Variants in SERPINB12 observed in about 807,000 individuals in gnomAD.
SERPINB12 encodes the protein serpin family B member 12.
A neutral mutation model predicts 41.1 loss-of-function variants in SERPINB12; 57 were observed. That is an observed-to-expected ratio of 1.39 (90% confidence interval 1.12 to 1.73). SERPINB12 has a LOEUF of 1.73. Ranked by LOEUF, SERPINB12 falls within the 40% of genes most tolerant of loss-of-function variation. SERPINB12 has a pLI of 0.00. For missense variants in SERPINB12, 536 were observed against 501.9 expected (o/e 1.07, Z -0.65); for synonymous variants, 180 against 181.3 (o/e 0.99, Z 0.06).
intron 1 of SERPINB12, among the ~76,000 whole-genome samples, chr18:63,545,884 G>GA (rs962334187): frequency 3.2e-4 from 48 of 150,472 alleles, no homozygotes; most frequent in Admixed American, 1.1e-3. Context: ...GAAGAATTTA[G>GA]AAAAAAAAAT....
chr18:63,552,562 C>A (rs1269188478), intron 1 of SERPINB12, among the ~76,000 whole-genome samples: 1 of 152,162 alleles, frequency 6.6e-6, no homozygotes, highest in Non-Finnish European at 1.5e-5. Flanking sequence ...ACAAAATACT[C>A]TTTTCCCTTT....
intron 3 of SERPINB12, 89 bp downstream of exon 3, chr18:63,558,575 C>T: frequency 1.5e-6 from 2 of 1,373,068 alleles, no homozygotes; most frequent in Non-Finnish European, 2.0e-6. Context: ...TTGCTTATCC[C>T]CAAATATTAG....
intron 1 of SERPINB12, among the ~76,000 whole-genome samples, chr18:63,553,757 C>G (rs1347408665): frequency 6.6e-6 from 1 of 152,136 alleles, no homozygotes; most frequent in East Asian, 1.9e-4. Flanking sequence ...TGAAATCCCC[C>G]CAACTCAGAC....
chr18:63,533,928 G>C, the SERPINB12 span, among the ~76,000 whole-genome samples: 3 of 152,056 alleles, frequency 2.0e-5, no homozygotes, highest in African/African-American at 7.2e-5. Context: ...CTGACTAAAT[G>C]GGAATAGGTT....
At chr18:63,537,070 A>T in the SERPINB12 span, among the ~76,000 whole-genome samples, 4 of 152,192 alleles carry the variant, frequency 2.6e-5, no homozygotes, top group African/African-American at 9.6e-5. Flanking sequence ...AAGTGGAACA[A>T]CTATGTAAAT....
intron 1 of SERPINB12, among the ~76,000 whole-genome samples, chr18:63,554,957 C>T (rs1354243460): frequency 1.3e-5 from 2 of 152,114 alleles, no homozygotes; most frequent in Admixed American, 1.3e-4. Flanking sequence ...GCAGTTCCTC[C>T]TTTTCTCTCT....
rs1280304638 is a variant in SERPINB12, at chr18:63,568,465, C to G, written c.*1454C>G. Among the ~76,000 whole-genome samples, 3 of 152,156 alleles carry G rather than the reference C, an allele frequency of 2.0e-5. No individual in the cohort carries two copies. The highest frequency in any genetic ancestry group is 7.2e-5 in the African/African-American group (3 of 41,432). ...AAGGCCATTGGGCTCATCTCAAGCT[C>G]TAGTCTACTGAAGGCCTGACCTCTG... On this transcript the variant is annotated 3_prime_UTR_variant, in exon 8 of 8. Coordinates refer to ENST00000382768, the MANE Select transcript of SERPINB12 (RefSeq NM_001307928.2).
At position 63,568,387 on chromosome 18, in the gene SERPINB12, C is replaced by G. The variant is rs1911185421; in HGVS notation, c.*1376C>G. ...CAGAGCGAAACCCTGTCTCAAAAAA[C>G]AAACAAACAAAAAACCCAAAAAGCC... On this transcript the variant is annotated 3_prime_UTR_variant, in exon 8 of 8. Coordinates refer to ENST00000382768, the MANE Select transcript of SERPINB12 (RefSeq NM_001307928.2). Among the ~76,000 whole-genome samples, 2 of 151,940 alleles carry G rather than the reference C, an allele frequency of 1.3e-5. No homozygotes were observed. The highest frequency in any genetic ancestry group is 2.4e-5 in the African/African-American group (1 of 41,372).
Position 63,553,242 on chromosome 18 carries a change from G to A in SERPINB12, c.-18-2900G>A, listed in dbSNP as rs147066023. ...GTAAGTGTAGTGCCAGAATTAGAAT[G>A]GAATGGAATGTGAAAAACTGTGTGA... is the stretch of plus-strand genomic sequence containing the variant. On this transcript the variant is annotated intron_variant, in intron 1 of 7. Transcript: ENST00000382768. 1.5e-3 allele frequency among the ~76,000 whole-genome samples: 232 copies of A among 152,312 alleles called. 1 individual carries two copies. Among genetic ancestry groups the A allele is most frequent in the African/African-American group, 5.5e-3 (228 of 41,572 alleles).
intron 3 of SERPINB12, among the ~76,000 whole-genome samples, chr18:63,559,254 G>A (rs12955973): frequency 6.6e-6 from 1 of 151,436 alleles, no homozygotes; most frequent in Non-Finnish European, 1.5e-5. Flanking sequence ...ACAGGCATGA[G>A]CCACCATGCC....
chr18:63,556,936 G>A (rs1226125405), intron 2 of SERPINB12, among the ~76,000 whole-genome samples: 1 of 152,136 alleles, frequency 6.6e-6, no homozygotes, highest in African/African-American at 2.4e-5. Context: ...TGCTCTCACT[G>A]GCAATCTATC....
At chr18:63,521,616 A>C in the SERPINB12 span, among the ~76,000 whole-genome samples, 1 of 152,158 alleles carries the variant, frequency 6.6e-6, no homozygotes, top group African/African-American at 2.4e-5. Flanking sequence ...ATCTTGCCCA[A>C]AAAAAAGGTA....
At position 63,561,222 on chromosome 18, in the gene SERPINB12, C is replaced by T. The variant is rs771741357; in HGVS notation, c.562+20C>T. On this transcript the variant is annotated intron_variant, in intron 5 of 7. Transcript: ENST00000382768. Reference sequence around the variant, plus strand: ...CCCAAGGTAAGAAAGCCCAAAAGCACGGGAGCTGGTATTGGTTTCCATTTA... The same window carrying T: ...CCCAAGGTAAGAAAGCCCAAAAGCATGGGAGCTGGTATTGGTTTCCATTTA... 2.6e-5 allele frequency: 37 copies of T among 1,434,254 alleles called. No individual in the cohort carries two copies. The highest frequency in any genetic ancestry group is 5.8e-5 in the South Asian group (5 of 86,640). 88.8% of individuals were successfully genotyped at this position (1,434,254 alleles called of 1,614,324 possible).
At chr18:63,535,182 G>T in the SERPINB12 span, among the ~76,000 whole-genome samples, 3 of 152,168 alleles carry the variant, frequency 2.0e-5, no homozygotes, top group Admixed American at 2.0e-4. Flanking sequence ...ATCATTAGTG[G>T]ATGCTAACAT....
At position 63,568,746 on chromosome 18, in the gene SERPINB12, A is replaced by G. The variant is rs1199965570; in HGVS notation, c.*1735A>G. Among the ~76,000 whole-genome samples the G allele has an allele frequency of 2.6e-5, 4 of 152,232 alleles. No individual in the cohort carries two copies. In the South Asian group the frequency reaches 6.2e-4, roughly 24 times the overall value. On this transcript the variant is annotated 3_prime_UTR_variant, in exon 8 of 8. Coordinates refer to ENST00000382768, the MANE Select transcript of SERPINB12 (RefSeq NM_001307928.2). ...GCCACGCAGTTTTTTTGCAGAAGGC[A>G]GGTGAACCACACCTGCTCCCATGCT...
upstream of SERPINB12, among the ~76,000 whole-genome samples, chr18:63,537,699 GAA>G (rs1910201366): frequency 6.6e-6 from 1 of 152,116 alleles, no homozygotes; most frequent in South Asian, 2.1e-4. Flanking sequence ...AACACTACCT[GAA>G]TGAAATCTTA....
In SERPINB12 at chr18:63,568,869, A is replaced by G. The variant is rs766659058; in HGVS notation, c.*1858A>G. Among the ~76,000 whole-genome samples, 1 of 152,202 alleles carries G rather than the reference A, an allele frequency of 6.6e-6. No homozygotes were observed. The highest frequency in any genetic ancestry group is 1.5e-5 in the Non-Finnish European group (1 of 68,040). On this transcript the variant is annotated 3_prime_UTR_variant, in exon 8 of 8. Transcript: ENST00000382768. Reference sequence around the variant, plus strand: ...TACAACCTTCTCATTGTTGAAGCTCACTTACGACCTAAAACAATTTGACGT... The same window carrying G: ...TACAACCTTCTCATTGTTGAAGCTCGCTTACGACCTAAAACAATTTGACGT...
chr18:63,541,757 G>T (rs1026760020), upstream of SERPINB12, among the ~76,000 whole-genome samples: 8 of 152,052 alleles, frequency 5.3e-5, no homozygotes, highest in African/African-American at 1.9e-4. Flanking sequence ...CAGAGGTGAA[G>T]AGAAGGAACA....
In SERPINB12 at chr18:63,558,353, T is replaced by TA. The variant is rs768146762; in HGVS notation, c.171dup (p.Leu58ThrfsTer10). 5 of 1,613,310 alleles carry TA rather than the reference T, an allele frequency of 3.1e-6. No individual in the cohort carries two copies. Among genetic ancestry groups the TA allele is most frequent in the Non-Finnish European group, 4.2e-6 (5 of 1,179,754 alleles). ...AGACCCCATCCCGTTATCATGCAGG[T>TA]ACTACACTTCAACGAATTTTCCCAG... On this transcript the variant is annotated frameshift_variant and splice_region_variant, in exon 3 of 8. Transcript: ENST00000382768. LOFTEE classifies it high-confidence loss of function.
Sources: gnomAD v4.1 joint callset for allele counts (sites outside exome capture counted in the v4.1 genomes callset) on GRCh38, gnomAD v4.1.1 for gene constraint, MANE v1.5 for transcripts, NCBI Gene and HGNC (gene_info 2026-07-23, HGNC 2026-07-21) for gene names.